JMJD1C: variants seen among roughly 807,000 people sequenced by gnomAD.
JMJD1C encodes jumonji domain-containing protein 1C.
Under a neutral mutation model 245.3 loss-of-function variants are expected in JMJD1C, and 31 were observed. That is an observed-to-expected ratio of 0.13 (90% CI 0.09 to 0.17). The LOEUF (loss-of-function observed/expected upper bound fraction) is 0.17, where lower values mean the gene tolerates loss of function less well. JMJD1C is among the 10% of genes least tolerant of loss of function. JMJD1C has a pLI of 1.00. For missense variants in JMJD1C, 2,691 were observed against 3,000.2 expected (o/e 0.90, Z 2.41); for synonymous variants, 1,057 against 1,017.4 (o/e 1.04, Z -0.74).
At chr10:63,338,425 T>TGG (rs1490089180) in intron 2 of JMJD1C, among the ~76,000 whole-genome samples, 6 of 151,916 alleles carry the variant, frequency 3.9e-5, no homozygotes, top group African/African-American at 1.5e-4. Context: ...TGAGCCACCA[T>TGG]TCTCAGCCCT....
At chr10:63,469,258 T>C (rs541345721), upstream of JMJD1C, among the ~76,000 whole-genome samples, 2 of 152,348 alleles carry the variant, frequency 1.3e-5, no homozygotes, top group African/African-American at 2.4e-5. Flanking sequence ...CCACCACTTA[T>C]AGAACACTTA....
intron 2 of JMJD1C, among the ~76,000 whole-genome samples, chr10:63,366,882 G>C (rs1791755262): frequency 6.6e-6 from 1 of 152,174 alleles, no homozygotes; most frequent in Non-Finnish European, 1.5e-5. Context: ...ATTGTTACCT[G>C]GAATAGCGAA....
chr10:63,347,735 A>G lies in JMJD1C; in HGVS notation c.333+32583T>C, dbSNP rs528805415. ...CAAGACCAGCTTGGCCAACGTGGTG[A>G]AACGCCCCCACCCTACTAAAAATAC... On this transcript the variant is annotated intron_variant, in intron 2 of 25. Transcript: ENST00000399262. Among the ~76,000 whole-genome samples the G allele has an allele frequency of 3.9e-5, 6 of 152,162 alleles. No homozygotes were observed. The South Asian group carries it at 1.2e-3, about 32-fold the overall frequency.
At chr10:63,193,530 A>T (rs192638331) in intron 14 of JMJD1C, 58 bp from the exon 15 acceptor site, 39 of 1,283,662 alleles carry the variant, frequency 3.0e-5, no homozygotes, top group Admixed American at 5.0e-5. Flanking sequence ...ATGCTGTAAA[A>T]TTTTTTTCTT....
intron 3 of JMJD1C, among the ~76,000 whole-genome samples, chr10:63,264,394 ATACTT>A (rs1855265667): frequency 6.6e-6 from 1 of 152,166 alleles, no homozygotes; most frequent in African/African-American, 2.4e-5. Context: ...AGAATGTCAG[ATACTT>A]TATTTTGTTT....
intron 1 of JMJD1C, among the ~76,000 whole-genome samples, chr10:63,475,827 G>A (rs1332308754): frequency 1.3e-5 from 2 of 152,162 alleles, no homozygotes; most frequent in African/African-American, 4.8e-5. Flanking sequence ...CGCAGATAAG[G>A]CTAACAGGTA....
At chr10:63,459,037 G>A (rs10509188) in intron 1 of JMJD1C, among the ~76,000 whole-genome samples, 30,659 of 152,002 alleles carry the variant, frequency 0.2, 4,052 homozygotes, top group Non-Finnish European at 0.29. Context: ...CATACATTAC[G>A]GTAGTTGATT....
chr10:63,318,165 C>T (rs1301661079), intron 2 of JMJD1C, among the ~76,000 whole-genome samples: 1 of 152,080 alleles, frequency 6.6e-6, no homozygotes, highest in Non-Finnish European at 1.5e-5. Flanking sequence ...TGCCAACACG[C>T]CCAGCTAATT....
At chr10:63,410,314 C>T (rs1371983845) in intron 1 of JMJD1C, among the ~76,000 whole-genome samples, 2 of 152,180 alleles carry the variant, frequency 1.3e-5, no homozygotes, top group Non-Finnish European at 2.9e-5. Context: ...TTCAAAACAT[C>T]TATGGATTTC....
chr10:63,398,790 G>A (rs1490543975), intron 1 of JMJD1C, among the ~76,000 whole-genome samples: 7 of 152,058 alleles, frequency 4.6e-5, no homozygotes, highest in African/African-American at 4.8e-5. Context: ...GATTACAGGC[G>A]TGTGCCATCA....
intron 3 of JMJD1C, among the ~76,000 whole-genome samples, chr10:63,235,280 G>C (rs1850595061): frequency 1.3e-5 from 2 of 152,166 alleles, no homozygotes; most frequent in Non-Finnish European, 2.9e-5. Context: ...TGGATCGCCT[G>C]AGGTCACGAG....
At position 63,197,528 on chromosome 10, in the gene JMJD1C, G is replaced by C. The variant is rs751030734; in HGVS notation, c.5527C>G (p.Arg1843Gly). The change falls in exon 13 of 26, where the codon CGG (arginine) becomes GGG (glycine). Residue 1843 changes from arginine (R) to glycine (G), a missense_variant. Coordinates refer to ENST00000399262, the MANE Select transcript of JMJD1C (RefSeq NM_032776.3). ...IAWKRAVRGV[R>G]EMCDACEATL... ...GCTTCACATGCATCACACATCTCCCGGACTCCTCTCACTGCTCTTTTCCAG... is the reference window on the plus strand; with the variant it reads ...GCTTCACATGCATCACACATCTCCCCGACTCCTCTCACTGCTCTTTTCCAG... 6.3e-7 allele frequency: 1 copy of C among 1,594,828 alleles called. No homozygotes were observed. The highest frequency in any genetic ancestry group is 2.3e-5 in the East Asian group (1 of 44,326).
chr10:63,270,949 G>A (rs887791224), intron 2 of JMJD1C, among the ~76,000 whole-genome samples: 16 of 152,056 alleles, frequency 1.1e-4, no homozygotes, highest in Non-Finnish European at 1.9e-4. Flanking sequence ...AGCATCCAGC[G>A]AAAATTTGTA....
Position 63,197,581 on chromosome 10 carries a change from C to A in JMJD1C, c.5492-18G>T. The A allele has an allele frequency of 6.8e-7, 1 of 1,478,860 alleles. No individual in the cohort carries two copies. Among genetic ancestry groups the A allele is most frequent in the South Asian group, 1.4e-5 (1 of 71,164 alleles). The allele number at this position is 1,478,860 out of a possible 1,614,324, so 91.6% of individuals were successfully genotyped here. A position where few individuals can be genotyped will look rare whatever the true frequency, so the allele number is the denominator to read the frequency against. On this transcript the variant is annotated intron_variant, in intron 12 of 25. Transcript: ENST00000399262. ...AATTTTGGCTGAAATACAGAAAAAA[C>A]AAAAATTTTAAAGGCAAACATGCTC...
At chr10:63,190,843 A>G in intron 17 of JMJD1C, 51 bp downstream of exon 17, 7 of 1,400,458 alleles carry the variant, frequency 5.0e-6, no homozygotes, top group Non-Finnish European at 7.1e-6. Context: ...AAGTCTCCAA[A>G]TCATCTCTAT....
intron 17 of JMJD1C, among the ~76,000 whole-genome samples, chr10:63,190,444 C>T (rs1463753136): frequency 6.6e-6 from 1 of 152,170 alleles, no homozygotes; most frequent in African/African-American, 2.4e-5. Flanking sequence ...CCTCGTGATC[C>T]AGCCGCCTCA....
chr10:63,273,559 C>A (rs1264484448), intron 2 of JMJD1C, among the ~76,000 whole-genome samples: 2 of 152,222 alleles, frequency 1.3e-5, no homozygotes, highest in Non-Finnish European at 2.9e-5. Flanking sequence ...ACCTTTCACA[C>A]AATTTAGTCC....
At chr10:63,355,926 T>C (rs530752226) in intron 2 of JMJD1C, among the ~76,000 whole-genome samples, 65 of 152,342 alleles carry the variant, frequency 4.3e-4, no homozygotes, top group African/African-American at 1.4e-3. Context: ...AGCAGGCTAC[T>C]GCATCACTAT....
At chr10:63,241,987 C>A (rs565707740) in intron 3 of JMJD1C, among the ~76,000 whole-genome samples, 4 of 152,102 alleles carry the variant, frequency 2.6e-5, no homozygotes, top group Non-Finnish European at 5.9e-5. Flanking sequence ...AGGAAGCTAA[C>A]GGGGTTCCTG....
Sources: gnomAD v4.1 joint callset for allele counts (sites outside exome capture counted in the v4.1 genomes callset) on GRCh38, gnomAD v4.1.1 for gene constraint, MANE v1.5 for transcripts, NCBI Gene and HGNC (gene_info 2026-07-23, HGNC 2026-07-21) for gene names.